HMCN1: variants seen among roughly 807,000 people sequenced by gnomAD.
The protein encoded by HMCN1 is hemicentin-1.
In HMCN1, 321 loss-of-function variants were observed where a neutral mutation model predicts 625.9. The observed-to-expected ratio is 0.51, with a 90% CI of 0.47 to 0.56. The LOEUF (loss-of-function observed/expected upper bound fraction) is 0.56. HMCN1 is among the 20% of genes least tolerant of loss of function. HMCN1 has a pLI of 0.00. For synonymous variants in HMCN1, 2,425 were observed against 2,417.6 expected (o/e 1.00, Z -0.09); for missense variants, 6,588 against 6,887.3 (o/e 0.96, Z 1.54).
intron 1 of HMCN1, among the ~76,000 whole-genome samples, chr1:185,798,313 T>C (rs995818130): frequency 2.0e-5 from 3 of 152,242 alleles, no homozygotes; most frequent in African/African-American, 4.8e-5. Context: ...AATTAGATGC[T>C]TTTCTCTTGC....
intron 46 of HMCN1, among the ~76,000 whole-genome samples, chr1:186,058,117 G>T (rs1159458212): frequency 2.0e-5 from 3 of 151,934 alleles, no homozygotes; most frequent in African/African-American, 7.2e-5. Context: ...GAGCTTTTGG[G>T]TTAAAGCTAA....
intron 32 of HMCN1, among the ~76,000 whole-genome samples, 179 bp from the exon 33 acceptor site, chr1:186,016,784 T>C (rs1002943886): frequency 2.0e-5 from 3 of 152,096 alleles, no homozygotes; most frequent in Non-Finnish European, 2.9e-5. Flanking sequence ...AGTATGTTTA[T>C]TGATCCTGAC....
chr1:186,169,330 A>G (rs182251258), intron 100 of HMCN1, among the ~76,000 whole-genome samples: 38 of 152,312 alleles, frequency 2.5e-4, no homozygotes, highest in African/African-American at 2.4e-5. Flanking sequence ...TCACAGAATT[A>G]GAAAAAACTA....
intron 100 of HMCN1, 119 bp downstream of exon 100, chr1:186,167,061 GAGAAT>G: frequency 8.1e-7 from 1 of 1,227,498 alleles, no homozygotes; most frequent in Non-Finnish European, 1.2e-6. Flanking sequence ...ATAAAAGGGA[GAGAAT>G]GAGGAGATAT....
intron 82 of HMCN1, among the ~76,000 whole-genome samples, chr1:186,126,632 A>C (rs1661659506): frequency 3.3e-5 from 5 of 152,136 alleles, no homozygotes; most frequent in Admixed American, 3.3e-4. Flanking sequence ...GACCGGGGGA[A>C]AAACAAAAAT....
intron 4 of HMCN1, among the ~76,000 whole-genome samples, chr1:185,867,116 C>T (rs76559291): frequency 3.9e-5 from 6 of 151,992 alleles, no homozygotes; most frequent in Admixed American, 1.3e-4. Flanking sequence ...AAGAATCTAG[C>T]GAAAAATTTT....
chr1:186,113,001 G>A (rs377235691), intron 72 of HMCN1, 48 bp downstream of exon 72: 473 of 1,601,536 alleles, frequency 3.0e-4, no homozygotes, highest in Non-Finnish European at 3.6e-4. Flanking sequence ...CTGACCAAGG[G>A]CATTCAAAGA....
intron 4 of HMCN1, among the ~76,000 whole-genome samples, chr1:185,884,463 T>G (rs1664510276): frequency 6.6e-6 from 1 of 152,014 alleles, no homozygotes; most frequent in South Asian, 2.1e-4. Flanking sequence ...GATTTCTGTC[T>G]TTTTAACTCA....
intron 1 of HMCN1, among the ~76,000 whole-genome samples, chr1:185,837,876 A>G (rs1661264606): frequency 6.6e-6 from 1 of 152,226 alleles, no homozygotes. Context: ...GGAATTGTGT[A>G]ATTTGAGTGA....
intron 103 of HMCN1, 139 bp from the exon 104 acceptor site, chr1:186,178,277 A>G (rs1246247318): frequency 5.9e-6 from 4 of 679,598 alleles, no homozygotes; most frequent in Non-Finnish European, 1.0e-5. Context: ...ACAACAGTTG[A>G]GGAGAAATTA....
chr1:185,932,532 G>A (rs1667599714), intron 10 of HMCN1, among the ~76,000 whole-genome samples: 1 of 152,118 alleles, frequency 6.6e-6, no homozygotes, highest in African/African-American at 2.4e-5. Context: ...TATTGCTACA[G>A]GAGATCATTT....
intron 1 of HMCN1, among the ~76,000 whole-genome samples, chr1:185,746,605 C>CT (rs59992589): frequency 0.32 from 42,903 of 132,342 alleles, 7,946 homozygotes; most frequent in African/African-American, 0.49. Context: ...TTTCCTTTTC[C>CT]TTTTTTTTTT....
intron 84 of HMCN1, among the ~76,000 whole-genome samples, 160 bp from the exon 85 acceptor site, chr1:186,130,347 C>A (rs1364269164): frequency 6.6e-6 from 1 of 152,092 alleles, no homozygotes; most frequent in Admixed American, 6.6e-5. Flanking sequence ...ACAAAATTAT[C>A]TGGTGATTTA....
chr1:185,776,003 A>T (rs754843626), intron 1 of HMCN1, among the ~76,000 whole-genome samples: 2 of 152,180 alleles, frequency 1.3e-5, no homozygotes, highest in African/African-American at 2.4e-5. Flanking sequence ...TGACTGTTCT[A>T]TATGTTGAAA....
At chr1:186,081,111 A>C in intron 55 of HMCN1, 96 bp from the exon 56 acceptor site, 1 of 1,013,376 alleles carries the variant, frequency 9.9e-7, no homozygotes, top group Non-Finnish European at 1.6e-6. Context: ...TTGCTTCTCT[A>C]TTATTATCCC....
chr1:186,179,466 T>C (rs1269844472), intron 104 of HMCN1, among the ~76,000 whole-genome samples: 1 of 151,618 alleles, frequency 6.6e-6, no homozygotes, highest in Admixed American at 6.6e-5. Flanking sequence ...TTACCATCTG[T>C]CACTCATTTA....
intron 11 of HMCN1, among the ~76,000 whole-genome samples, chr1:185,954,199 G>A (rs566559292): frequency 1.3e-5 from 2 of 152,092 alleles, no homozygotes; most frequent in African/African-American, 4.8e-5. Flanking sequence ...GGCTTGGCTT[G>A]GGCTCAGAGG....
intron 104 of HMCN1, among the ~76,000 whole-genome samples, chr1:186,179,596 G>A (rs1652812902): frequency 6.6e-6 from 1 of 152,054 alleles, no homozygotes; most frequent in Non-Finnish European, 1.5e-5. Flanking sequence ...AAAGAACATA[G>A]GAGAGAAGTA....
intron 97 of HMCN1, among the ~76,000 whole-genome samples, chr1:186,163,561 C>G (rs879570164): frequency 5.3e-5 from 8 of 152,094 alleles, no homozygotes; most frequent in Non-Finnish European, 1.2e-4. Context: ...CTCCTCCCCC[C>G]AATTAAGCAA....
Sources: allele counts gnomAD v4.1 joint callset (sites outside exome capture counted in the v4.1 genomes callset), GRCh38; gene constraint gnomAD v4.1.1; transcripts MANE v1.5; gene names NCBI Gene and HGNC (gene_info 2026-07-23, HGNC 2026-07-21).